Variants in GALK2 observed in about 807,000 individuals in gnomAD.
GALK2 encodes the protein galactokinase 2.
In GALK2, 36 loss-of-function variants were observed where a neutral mutation model predicts 52.4. The ratio of observed to expected loss-of-function variants is 0.69; its 90% CI spans 0.53 to 0.91. GALK2 has a LOEUF of 0.91. GALK2 is among the 40% of genes least tolerant of loss of function. The pLI is 0.00. For missense variants in GALK2, 579 were observed against 559.1 expected, an observed-to-expected ratio of 1.04 and a Z score of -0.36; for synonymous variants, 176 against 199.1, an observed-to-expected ratio of 0.88 and a Z score of 0.98.
rs147218231 is a variant in GALK2, at chr15:49,328,132, T to C, written c.1350T>C (p.Gly450=). ...GTTTGTTTGCTACCAAACCTGGAGG[T>C]GGGGCTTTGGTTTTGCTTGAGGCCT... The part of the protein sequence containing the change: ...KQSLFATKPG[G]GALVLLEA Residue 450 remains glycine (G), a synonymous_variant, in exon 10 of 10, where the codon GGT becomes GGC. Coordinates refer to ENST00000560031, the MANE Select transcript of GALK2 (RefSeq NM_002044.4). The C allele has an allele frequency of 6.1e-4, 981 of 1,613,836 alleles. 10 individuals carry two copies. The African/African-American group carries it at 0.012, about 20-fold the overall frequency.
chr15:49,275,216 C>T (rs1184547787), intron 5 of GALK2, among the ~76,000 whole-genome samples: 4 of 152,140 alleles, frequency 2.6e-5, no homozygotes, highest in Admixed American at 1.3e-4. Flanking sequence ...TGTTCAGTTC[C>T]GTTTTACTCT....
At chr15:49,166,407 A>G (rs2084825397), upstream of GALK2, among the ~76,000 whole-genome samples, 3 of 152,116 alleles carry the variant, frequency 2.0e-5, no homozygotes. Flanking sequence ...ACTAGAGAGC[A>G]GTATCTATTT....
intron 1 of GALK2, chr15:49,170,630 GTAAT>G: frequency 4.1e-6 from 2 of 486,550 alleles, no homozygotes; most frequent in Non-Finnish European, 7.4e-6. Context: ...TTTTCTTGTT[GTAAT>G]TAGTGTACTC....
In GALK2 at chr15:49,247,630, G is replaced by A. The variant is rs544520127; in HGVS notation, c.504+8263G>A. 2.6e-5 allele frequency among the ~76,000 whole-genome samples: 4 copies of A among 152,290 alleles called. No homozygotes were observed. The East Asian group carries it at 7.7e-4, about 29-fold the overall frequency. On this transcript the variant is annotated intron_variant, in intron 5 of 9. Transcript: ENST00000560031. ...TGTCTCCTTGGTGAAGTTAAACAGGGACAGTTTCAAGTAATTGGTGAGTTC... is the reference window on the plus strand; with the variant it reads ...TGTCTCCTTGGTGAAGTTAAACAGGAACAGTTTCAAGTAATTGGTGAGTTC...
In GALK2 at chr15:49,361,495, G is replaced by A. The variant is rs373057731; in HGVS notation, c.427-5996G>A. ...CTCCTACTTATTAGTGAGAACATGT[G>A]GTTTTAGTTTTCTGTCCCTGCATTA... On this transcript the variant is annotated intron_variant, in intron 3 of 3. Transcript: ENST00000558399. Among the ~76,000 whole-genome samples the A allele has an allele frequency of 2.8e-4, 42 of 152,090 alleles. 1 individual carries two copies. Among genetic ancestry groups the A allele is most frequent in the African/African-American group, 9.4e-4 (39 of 41,396 alleles).
At chr15:49,194,417 T>C (rs1185847976) in intron 1 of GALK2, among the ~76,000 whole-genome samples, 1 of 152,206 alleles carries the variant, frequency 6.6e-6, no homozygotes, top group African/African-American at 2.4e-5. Context: ...GACATGATAT[T>C]ATTCCACTGA....
intron 1 of GALK2, among the ~76,000 whole-genome samples, chr15:49,161,561 G>A (rs1048255773): frequency 1.3e-5 from 2 of 151,992 alleles, no homozygotes; most frequent in African/African-American, 4.8e-5. Flanking sequence ...TTTTAACAGA[G>A]TGTATTTGTG....
intron 3 of GALK2, among the ~76,000 whole-genome samples, chr15:49,347,605 G>C (rs1219954116): frequency 6.6e-6 from 1 of 152,142 alleles, no homozygotes; most frequent in African/African-American, 2.4e-5. Flanking sequence ...TCTAGGTGCA[G>C]TTGAGTTATA....
chr15:49,200,515 A>T (rs1047320784), intron 1 of GALK2, among the ~76,000 whole-genome samples: 2 of 152,232 alleles, frequency 1.3e-5, no homozygotes, highest in African/African-American at 4.8e-5. Context: ...TGTCCTTACA[A>T]GAAGGAAAAA....
chr15:49,185,036 G>A (rs956953553), intron 1 of GALK2, among the ~76,000 whole-genome samples: 1 of 152,022 alleles, frequency 6.6e-6, no homozygotes, highest in Non-Finnish European at 1.5e-5. Flanking sequence ...TGTTATATGG[G>A]AATATTGTGT....
chr15:49,285,072 T>C (rs1181062813), intron 7 of GALK2, among the ~76,000 whole-genome samples: 1 of 152,180 alleles, frequency 6.6e-6, no homozygotes, highest in Non-Finnish European at 1.5e-5. Flanking sequence ...TTTACTCCTC[T>C]ACCTCCCTCT....
chr15:49,345,254 A>G (rs1002547416), intron 3 of GALK2, among the ~76,000 whole-genome samples: 1 of 152,206 alleles, frequency 6.6e-6, no homozygotes, highest in African/African-American at 2.4e-5. Context: ...TTAATTTTGA[A>G]CATATGACTT....
intron 5 of GALK2, among the ~76,000 whole-genome samples, chr15:49,277,306 C>T (rs1231556089): frequency 1.5e-5 from 2 of 135,798 alleles, no homozygotes; most frequent in Non-Finnish European, 3.2e-5. Context: ...GTAGCTGGGA[C>T]TACAGGCGCC....
intron 6 of GALK2, among the ~76,000 whole-genome samples, 199 bp from the exon 7 acceptor site, chr15:49,283,367 G>C (rs1161503667): frequency 6.6e-6 from 1 of 152,144 alleles, no homozygotes; most frequent in East Asian, 1.9e-4. Flanking sequence ...TTGATTGCGG[G>C]CTCTATGAGA....
intron 8 of GALK2, 123 bp from the exon 9 acceptor site, chr15:49,319,481 T>C: frequency 1.4e-6 from 1 of 715,248 alleles, no homozygotes; most frequent in Non-Finnish European, 2.3e-6. Flanking sequence ...AAGAGAGACC[T>C]ATTGAAGTTT....
chr15:49,295,331 A>C (rs35913749), intron 8 of GALK2, among the ~76,000 whole-genome samples: 8,442 of 132,258 alleles, frequency 0.064, 312 homozygotes, highest in East Asian at 0.15. Context: ...CTCTCTCTCT[A>C]TCTATATATA....
At chr15:49,245,989 T>A (rs1173151117) in intron 5 of GALK2, among the ~76,000 whole-genome samples, 1 of 152,224 alleles carries the variant, frequency 6.6e-6, no homozygotes, top group African/African-American at 2.4e-5. Context: ...ACTATTTTGT[T>A]AACAATGTTG....
Position 49,330,054 on chromosome 15 carries a change from AC to A in GALK2, c.*1897del, listed in dbSNP as rs2038341600. ...AGATATTATGAGAGATGCTAAACTT[AC>A]CTGGAAGGGATAGGGCCGGGGCCAT... On this transcript the variant is annotated 3_prime_UTR_variant, in exon 10 of 10. Transcript: ENST00000560031. The A allele has an allele frequency of 6.6e-6, 1 of 152,384 alleles. No homozygotes were observed. The highest frequency in any genetic ancestry group is 1.5e-5 in the Non-Finnish European group (1 of 68,190). The allele number at this position is 152,384 out of a possible 1,614,324, so 9.4% of individuals were successfully genotyped here.
In GALK2 at chr15:49,264,887, G is replaced by A. The variant is rs891623962; in HGVS notation, c.505-17100G>A. Among the ~76,000 whole-genome samples the A allele has an allele frequency of 2.6e-5, 4 of 152,288 alleles. No individual in the cohort carries two copies. The South Asian group carries it at 6.2e-4, about 24-fold the overall frequency. ...CCAGCAGTGGTGGCTGTAGTACAGC[G>A]GATTTTCGTGAACCGCGAATGCTGC... On this transcript the variant is annotated intron_variant, in intron 5 of 9. Transcript: ENST00000560031.
Sources: gnomAD v4.1 joint callset for allele counts (sites outside exome capture counted in the v4.1 genomes callset) on GRCh38, gnomAD v4.1.1 for gene constraint, MANE v1.5 for transcripts, NCBI Gene and HGNC (gene_info 2026-07-23, HGNC 2026-07-21) for gene names.